Variants in FAM120AOS observed in about 807,000 individuals in gnomAD.
FAM120AOS encodes uncharacterized protein FAM120AOS.
FAM120AOS carries 15 observed loss-of-function variants against 20.2 expected under a neutral mutation model. The ratio of observed to expected loss-of-function variants is 0.74; its 90% CI spans 0.50 to 1.15. FAM120AOS has a LOEUF of 1.15. FAM120AOS is among the 50% of genes most tolerant of loss of function. The pLI is 0.00. For synonymous variants in FAM120AOS, 154 were observed against 154.0 expected (o/e 1.00, Z 0.00); for missense variants, 327 against 351.9 (o/e 0.93, Z 0.57).
Position 93,444,798 on chromosome 9 carries a change from G to C in FAM120AOS, c.*2813C>G, listed in dbSNP as rs532810868. 7.9e-5 allele frequency among the ~76,000 whole-genome samples: 12 copies of C among 152,050 alleles called. No individual in the cohort carries two copies. Among genetic ancestry groups the C allele is most frequent in the Admixed American group, 3.3e-4 (5 of 15,274 alleles). ...CCTAGCTGATTTTGTATTTTTAGTAGAGACAGGGTTTCTCCATGTTTGTCA... is the reference window on the plus strand; with the variant it reads ...CCTAGCTGATTTTGTATTTTTAGTACAGACAGGGTTTCTCCATGTTTGTCA... On this transcript the variant is annotated 3_prime_UTR_variant, in exon 3 of 3. Transcript: ENST00000375412.
Position 93,444,996 on chromosome 9 carries a change from T to C in FAM120AOS, c.*2615A>G, listed in dbSNP as rs1364137308. Among the ~76,000 whole-genome samples the C allele has an allele frequency of 6.6e-6, 1 of 152,062 alleles. No homozygotes were observed. The highest frequency in any genetic ancestry group is 1.5e-5 in the Non-Finnish European group (1 of 67,988). On this transcript the variant is annotated 3_prime_UTR_variant, in exon 3 of 3. Transcript: ENST00000375412. ...AATAAAGTGAATTTGTGGTATTAAATAAATGGAAAAAAAGACAAACGGTAC... is the reference window on the plus strand; with the variant it reads ...AATAAAGTGAATTTGTGGTATTAAACAAATGGAAAAAAAGACAAACGGTAC...
chr9:93,444,186 A>G lies in FAM120AOS; in HGVS notation c.*3425T>C, dbSNP rs1039356544. Among the ~76,000 whole-genome samples the G allele has an allele frequency of 3.3e-5, 5 of 151,932 alleles. No homozygotes were observed. Among genetic ancestry groups the G allele is most frequent in the Admixed American group, 3.3e-4 (5 of 15,250 alleles). ...CTCCCGAGTAGCTGGAATTATAGGC[A>G]TGCACCACCACGCCCAGCTAATTTT... On this transcript the variant is annotated 3_prime_UTR_variant, in exon 3 of 3. Coordinates refer to ENST00000375412, the MANE Select transcript of FAM120AOS (RefSeq NM_198841.4).
At chr9:93,451,521 G>GGCCTCC (rs891461966) in intron 1 of FAM120AOS, 118 of 997,628 alleles carry the variant, frequency 1.2e-4, no homozygotes, top group Non-Finnish European at 1.2e-4. Context: ...CCCAACTCCG[G>GGCCTCC]GCCTCCGCCT....
chr9:93,451,902 C>T (rs1857243859), intron 1 of FAM120AOS: 16 of 1,269,426 alleles, frequency 1.3e-5, no homozygotes, highest in South Asian at 5.8e-5. Context: ...CGCGCCCGCG[C>T]CCCCGCCGCC....
chr9:93,452,416 G>A lies in FAM120AOS; in HGVS notation c.294C>T (p.Pro98=). 1.3e-6 allele frequency: 2 copies of A among 1,584,192 alleles called. No homozygotes were observed. The highest frequency in any genetic ancestry group is 1.7e-6 in the Non-Finnish European group (2 of 1,166,520). Reference sequence around the variant, plus strand: ...TGAGGCCGGGGATCCGGGCGGGCCGGGGACCGGGGCCGCGCCGCACCCCTA... The same window carrying A: ...TGAGGCCGGGGATCCGGGCGGGCCGAGGACCGGGGCCGCGCCGCACCCCTA... ...RGIGVRRGPG[P]RPARIPGLTL... is the part of the protein sequence containing the mutation. The change falls in exon 1 of 3, where the codon CCC becomes CCT. Residue 98 remains proline, a synonymous_variant. Coordinates refer to ENST00000375412, the MANE Select transcript of FAM120AOS (RefSeq NM_198841.4). The surrounding 1 kb of genome is among the most constrained non-coding windows in gnomAD (Gnocchi z 7.0).
chr9:93,450,601 T>G lies in FAM120AOS; in HGVS notation c.564-2A>C. The G allele has an allele frequency of 6.2e-7, 1 of 1,604,660 alleles. No homozygotes were observed. Among genetic ancestry groups the G allele is most frequent in the Non-Finnish European group, 8.5e-7 (1 of 1,176,260 alleles). On this transcript the variant is annotated splice_acceptor_variant, in intron 1 of 2. Coordinates refer to ENST00000375412, the MANE Select transcript of FAM120AOS (RefSeq NM_198841.4). LOFTEE classifies it high-confidence loss of function. ...CATCCTGCTCCTCTACAGAGGTTTC[T>G]CCAAAAAAAGAACAAATGGAGAGAT...
intron 2 of FAM120AOS, chr9:93,448,428 G>A (rs1397803884): frequency 4.8e-6 from 1 of 209,988 alleles, no homozygotes. Context: ...GGGAGAGGGA[G>A]GTTGCAGTGA....
chr9:93,447,739 A>C, intron 2 of FAM120AOS, 42 bp from the exon 3 acceptor site: 1 of 1,534,000 alleles, frequency 6.5e-7, no homozygotes, highest in Non-Finnish European at 9.0e-7. Flanking sequence ...ATTAGTTTGG[A>C]ATATGAAATG....
In FAM120AOS at chr9:93,444,215, T is replaced by A. The variant is rs1856778315; in HGVS notation, c.*3396A>T. ...ACCACCACGCCCAGCTAATTTTGTG[T>A]TTTTAGTAGAGACAGGGTTTCTCCA... On this transcript the variant is annotated 3_prime_UTR_variant, in exon 3 of 3. Coordinates refer to ENST00000375412, the MANE Select transcript of FAM120AOS (RefSeq NM_198841.4). Among the ~76,000 whole-genome samples the A allele has an allele frequency of 6.6e-6, 1 of 151,926 alleles. No individual in the cohort carries two copies. The highest frequency in any genetic ancestry group is 6.6e-5 in the Admixed American group (1 of 15,252).
chr9:93,447,839 G>T, intron 2 of FAM120AOS, 142 bp from the exon 3 acceptor site: 4 of 709,462 alleles, frequency 5.6e-6, no homozygotes, highest in South Asian at 2.0e-5. Flanking sequence ...GTACTGGAGA[G>T]ATAGCAGAGC....
At chr9:93,450,814 G>C (rs1037087902) in intron 1 of FAM120AOS, 50 of 935,096 alleles carry the variant, frequency 5.3e-5, no homozygotes, top group Non-Finnish European at 1.2e-5. Context: ...CCTCCTTCCA[G>C]AAGATGCTAC....
intron 2 of FAM120AOS, among the ~76,000 whole-genome samples, chr9:93,449,982 T>C (rs1163061776): frequency 1.3e-5 from 2 of 152,148 alleles, no homozygotes; most frequent in Non-Finnish European, 2.9e-5. Flanking sequence ...GTATTATTTC[T>C]TTTATTTATT....
intron 1 of FAM120AOS, chr9:93,450,947 G>C (rs1343747097): frequency 7.4e-7 from 1 of 1,347,440 alleles, no homozygotes; most frequent in African/African-American, 1.4e-5. Flanking sequence ...CAACAGACCT[G>C]TGCTCTCAAG....
intron 1 of FAM120AOS, chr9:93,451,702 G>T (rs2131157288): frequency 2.0e-6 from 2 of 982,320 alleles, no homozygotes; most frequent in Non-Finnish European, 1.2e-6. Flanking sequence ...TCGCAGCGGC[G>T]GCAGCGGCGG....
At chr9:93,450,898 T>C in intron 1 of FAM120AOS, 5 of 1,004,828 alleles carry the variant, frequency 5.0e-6, no homozygotes, top group African/African-American at 1.6e-5. Context: ...CGTTTCAGTC[T>C]AGCCATTGCG....
Position 93,452,179 on chromosome 9 carries a change from C to T in FAM120AOS, c.531G>A (p.Leu177=). 6.2e-7 allele frequency: 1 copy of T among 1,612,040 alleles called. No individual in the cohort carries two copies. The highest frequency in any genetic ancestry group is 8.5e-7 in the Non-Finnish European group (1 of 1,179,820). The change falls in exon 1 of 3, where the codon TTG becomes TTA. Residue 177 remains leucine, a synonymous_variant. Transcript: ENST00000375412. The surrounding 1 kb of genome is among the most constrained non-coding windows in gnomAD (Gnocchi z 7.0). ...CGCTGGCCAAGGCCTGCTTCGGCGG[C>T]AACATCGAGCTCTTCGTCTTCTTCA... ...APLKKTKSSM[L]PPKQALASAA...
rs1016817562 is a variant in FAM120AOS at position 93,451,279 on chromosome 9, G to A, written c.564-680C>T. On this transcript the variant is annotated intron_variant, in intron 1 of 2. Transcript: ENST00000375412. ...GACTCGGCCTCGGCTCCCCTTCAAA[G>A]CGCCATCTTATCGCTGCTTCCCTCA... 49 of 1,475,518 alleles carry A rather than the reference G, an allele frequency of 3.3e-5. No individual in the cohort carries two copies. The Admixed American group carries it at 8.8e-4, about 27-fold the overall frequency. 91.4% of individuals were successfully genotyped at this position (1,475,518 alleles called of 1,614,324 possible).
At chr9:93,447,837 G>A in intron 2 of FAM120AOS, 140 bp from the exon 3 acceptor site, 1 of 719,048 alleles carries the variant, frequency 1.4e-6, no homozygotes, top group South Asian at 1.9e-5. Context: ...TAGTACTGGA[G>A]AGATAGCAGA....
rs908969843 is a variant in FAM120AOS, at chr9:93,446,810, T to C, written c.*801A>G. 1.3e-5 allele frequency: 2 copies of C among 152,168 alleles called. No individual in the cohort carries two copies. Among genetic ancestry groups the C allele is most frequent in the African/African-American group, 4.8e-5 (2 of 41,414 alleles). The allele number at this position is 152,168 out of a possible 1,614,324, so 9.4% of individuals were successfully genotyped here. On this transcript the variant is annotated 3_prime_UTR_variant, in exon 3 of 3. Transcript: ENST00000375412. ...AGCCCAAAGCTATTTGGACACAAGT[T>C]TGGTGAACACGGTAAGAAAAAAACA...
Sources: allele counts gnomAD v4.1 joint callset (sites outside exome capture counted in the v4.1 genomes callset), GRCh38; gene constraint gnomAD v4.1.1; non-coding constraint Gnocchi (gnomAD v3.1); transcripts MANE v1.5; gene names NCBI Gene and HGNC (gene_info 2026-07-23, HGNC 2026-07-21).